The following SYT15B variants were observed in gnomAD, a reference collection of about 807,000 sequenced individuals.
SYT15B encodes the protein synaptotagmin 15B.
the SYT15B span, among the ~76,000 whole-genome samples, chr10:47,745,455 A>G: frequency 1.6e-4 from 24 of 147,332 alleles, no homozygotes; most frequent in African/African-American, 6.0e-4. Flanking sequence ...GGTTTAAAAA[A>G]TCATCGTTTT....
the SYT15B span, among the ~76,000 whole-genome samples, chr10:47,762,320 G>A: frequency 6.7e-6 from 1 of 149,934 alleles, no homozygotes; most frequent in African/African-American, 2.5e-5. Context: ...CAGACGCTGG[G>A]TTCCAACCGC....
At chr10:47,748,453 T>C in the SYT15B span, among the ~76,000 whole-genome samples, 9 of 152,102 alleles carry the variant, frequency 5.9e-5, no homozygotes, top group South Asian at 8.3e-4. Flanking sequence ...CCTCAGGTGA[T>C]CCACTGGCCT....
the SYT15B span, among the ~76,000 whole-genome samples, chr10:47,761,100 A>G: frequency 1.5e-3 from 106 of 71,180 alleles, no homozygotes; most frequent in South Asian, 5.0e-3. Flanking sequence ...ACACACACAC[A>G]CGCACACACA....
At chr10:47,747,954 T>C in the SYT15B span, among the ~76,000 whole-genome samples, 1 of 151,736 alleles carries the variant, frequency 6.6e-6, no homozygotes, top group African/African-American at 2.4e-5. Flanking sequence ...AACTGTAATA[T>C]AGGACAGAAT....
At chr10:47,748,359 G>A in the SYT15B span, among the ~76,000 whole-genome samples, 11 of 148,270 alleles carry the variant, frequency 7.4e-5, no homozygotes, top group South Asian at 4.5e-4. Context: ...TTACAGGCAC[G>A]CGCCACCATG....
chr10:47,745,953 T>C, the SYT15B span, among the ~76,000 whole-genome samples: 2 of 150,014 alleles, frequency 1.3e-5, no homozygotes, highest in Non-Finnish European at 3.0e-5. Context: ...TGCCTTTTTA[T>C]GCTTCTGCCT....
chr10:47,746,643 A>G, the SYT15B span, among the ~76,000 whole-genome samples: 6 of 128,274 alleles, frequency 4.7e-5, no homozygotes, highest in African/African-American at 1.7e-4. Flanking sequence ...GCGCCACTGC[A>G]CTCCAGCCTG....
chr10:47,751,038 T>C, the SYT15B span: 1 of 148,490 alleles, frequency 6.7e-6, no homozygotes, highest in South Asian at 2.1e-4. Flanking sequence ...AAAATCTTTT[T>C]AACAGCTTGA....
chr10:47,748,038 G>T, the SYT15B span, among the ~76,000 whole-genome samples: 1 of 152,218 alleles, frequency 6.6e-6, no homozygotes, highest in Admixed American at 6.5e-5. Flanking sequence ...CTTGTGGGAA[G>T]TGGTGAACAG....
the SYT15B span, among the ~76,000 whole-genome samples, chr10:47,748,045 A>G: frequency 6.6e-6 from 1 of 152,204 alleles, no homozygotes; most frequent in African/African-American, 2.4e-5. Context: ...GAAGTGGTGA[A>G]CAGGCCTAAC....
the SYT15B span, among the ~76,000 whole-genome samples, chr10:47,756,644 G>A: frequency 1.5e-4 from 23 of 152,384 alleles, no homozygotes; most frequent in Non-Finnish European, 3.1e-4. Context: ...CCTGGCTTAC[G>A]GTGACCCCAG....
At chr10:47,745,876 TGGCCAATGGGATATTG>T in the SYT15B span, among the ~76,000 whole-genome samples, 1 of 150,974 alleles carries the variant, frequency 6.6e-6, no homozygotes, top group African/African-American at 2.4e-5. Flanking sequence ...TGACGTGCTT[TGGCCAATGGGATATTG>T]GATGACACAA....
At chr10:47,748,544 A>C in the SYT15B span, among the ~76,000 whole-genome samples, 1 of 152,154 alleles carries the variant, frequency 6.6e-6, no homozygotes, top group Non-Finnish European at 1.5e-5. Context: ...GCTGCAAATG[A>C]AAGACAAGGA....
At chr10:47,748,467 C>T in the SYT15B span, among the ~76,000 whole-genome samples, 14 of 152,016 alleles carry the variant, frequency 9.2e-5, no homozygotes, top group Non-Finnish European at 1.5e-4. Context: ...CTGGCCTTGG[C>T]CTCCCAAAGT....
At chr10:47,760,830 G>T in the SYT15B span, 1 of 1,353,958 alleles carries the variant, frequency 7.4e-7, no homozygotes, top group Non-Finnish European at 1.0e-6. Flanking sequence ...CTGATGCCGG[G>T]CAGGGGTCCC....
the SYT15B span, among the ~76,000 whole-genome samples, chr10:47,762,264 C>T: frequency 6.6e-6 from 1 of 151,978 alleles, no homozygotes; most frequent in Admixed American, 6.6e-5. Context: ...CTGGCCCTCA[C>T]ACGTCCGCAT....
chr10:47,745,449 T>TA, the SYT15B span, among the ~76,000 whole-genome samples: 2 of 147,944 alleles, frequency 1.4e-5, no homozygotes, highest in African/African-American at 5.0e-5. Context: ...AAAGATGGTT[T>TA]AAAAAATCAT....
At chr10:47,751,135 C>T in the SYT15B span, 1 of 151,882 alleles carries the variant, frequency 6.6e-6, no homozygotes, top group African/African-American at 2.4e-5. Context: ...ATGCCACACC[C>T]ACCACCCCTG....
At chr10:47,747,136 G>A in the SYT15B span, among the ~76,000 whole-genome samples, 5 of 149,850 alleles carry the variant, frequency 3.3e-5, no homozygotes, top group Admixed American at 1.3e-4. Context: ...TTCCCTTCAG[G>A]AAACGTGCTG....
Sources: allele counts gnomAD v4.1 joint callset (sites outside exome capture counted in the v4.1 genomes callset), GRCh38; gene constraint gnomAD v4.1.1; transcripts MANE v1.5; gene names NCBI Gene and HGNC (gene_info 2026-07-23, HGNC 2026-07-21).